Variants in NPAS3 observed in about 807,000 individuals in gnomAD.
NPAS3 encodes neuronal PAS domain-containing protein 3.
Under a neutral mutation model 73.1 loss-of-function variants are expected in NPAS3, and 14 were observed. The ratio of observed to expected loss-of-function variants is 0.19; its 90% CI spans 0.13 to 0.30. The LOEUF is 0.30. Among genes scored for constraint, NPAS3 ranks in the 10% least tolerant of loss-of-function variants. NPAS3 has a pLI of 1.00. For missense variants in NPAS3, 1,096 were observed against 1,250.0 expected (o/e 0.88, Z 1.86); for synonymous variants, 620 against 541.5 (o/e 1.14, Z -2.01).
chr14:33,394,439 C>G (rs780361341), intron 4 of NPAS3, among the ~76,000 whole-genome samples: 59 of 152,256 alleles, frequency 3.9e-4, no homozygotes, highest in Non-Finnish European at 7.6e-4. Flanking sequence ...TAGTGCTTAG[C>G]AAAGCTTAAC....
At chr14:33,167,765 T>A (rs1250396289) in intron 2 of NPAS3, among the ~76,000 whole-genome samples, 1 of 152,176 alleles carries the variant, frequency 6.6e-6, no homozygotes, top group African/African-American at 2.4e-5. Flanking sequence ...CGTTGCTAAC[T>A]GTTACATTGG....
chr14:33,630,688 C>A (rs765431530), intron 5 of NPAS3, among the ~76,000 whole-genome samples: 3 of 152,144 alleles, frequency 2.0e-5, no homozygotes, highest in Non-Finnish European at 2.9e-5. Context: ...GTCAATTAAC[C>A]TATGGAGAAT....
chr14:33,082,816 G>C (rs947631959), intron 2 of NPAS3, among the ~76,000 whole-genome samples: 7 of 152,088 alleles, frequency 4.6e-5, no homozygotes, highest in Admixed American at 1.3e-4. Flanking sequence ...TTAATGCCCG[G>C]TTGTATTTAA....
At chr14:33,267,181 T>G (rs372814436) in intron 3 of NPAS3, among the ~76,000 whole-genome samples, 1 of 152,152 alleles carries the variant, frequency 6.6e-6, no homozygotes, top group African/African-American at 2.4e-5. Flanking sequence ...TTTTAAGACT[T>G]TGGGGAAGCT....
At chr14:33,308,555 C>CAT (rs1555371850) in intron 3 of NPAS3, among the ~76,000 whole-genome samples, 1 of 90,450 alleles carries the variant, frequency 1.1e-5, no homozygotes, top group African/African-American at 5.5e-5. Context: ...CACACACACA[C>CAT]ATACATACAT....
intron 5 of NPAS3, among the ~76,000 whole-genome samples, chr14:33,621,613 A>C (rs1261895272): frequency 6.6e-6 from 1 of 152,222 alleles, no homozygotes; most frequent in Non-Finnish European, 1.5e-5. Flanking sequence ...ATGGATTTTC[A>C]TAATTATCTT....
chr14:33,544,299 C>A (rs1479355269), intron 4 of NPAS3, among the ~76,000 whole-genome samples: 2 of 152,026 alleles, frequency 1.3e-5, no homozygotes, highest in African/African-American at 4.8e-5. Flanking sequence ...TGAGCCACTG[C>A]ACCCAGCTCT....
intron 3 of NPAS3, among the ~76,000 whole-genome samples, chr14:33,327,335 A>G (rs111898124): frequency 0.051 from 7,832 of 152,290 alleles, 199 homozygotes; most frequent in Middle Eastern, 0.061. Flanking sequence ...AACACGAGGA[A>G]GTAAGAATTG....
intron 1 of NPAS3, among the ~76,000 whole-genome samples, chr14:32,973,276 T>C (rs1031348700): frequency 7.2e-5 from 11 of 152,148 alleles, no homozygotes; most frequent in Admixed American, 1.3e-4. Context: ...ATGGGGTTTT[T>C]GTCTCTTATT....
chr14:33,643,552 G>A (rs1459280479), intron 5 of NPAS3, among the ~76,000 whole-genome samples: 1 of 152,076 alleles, frequency 6.6e-6, no homozygotes, highest in East Asian at 1.9e-4. Context: ...GAGCTCCTTT[G>A]TGAGTTGGCT....
intron 3 of NPAS3, among the ~76,000 whole-genome samples, chr14:33,312,953 G>T (rs376663163): frequency 6.6e-6 from 1 of 151,902 alleles, no homozygotes; most frequent in African/African-American, 2.4e-5. Context: ...TTTAATTATG[G>T]CATCCATTTA....
intron 6 of NPAS3, among the ~76,000 whole-genome samples, chr14:33,716,010 C>A (rs2060947410): frequency 6.6e-6 from 1 of 152,166 alleles, no homozygotes; most frequent in African/African-American, 2.4e-5. Context: ...TCCATTAAAC[C>A]TCTTTTTCTT....
At chr14:32,969,554 A>G (rs1006043427) in intron 1 of NPAS3, among the ~76,000 whole-genome samples, 1 of 152,158 alleles carries the variant, frequency 6.6e-6, no homozygotes, top group Non-Finnish European at 1.5e-5. Context: ...TTGCACATGG[A>G]TAGGATTGGT....
intron 5 of NPAS3, among the ~76,000 whole-genome samples, chr14:33,656,886 AG>A (rs2059159269): frequency 6.6e-6 from 1 of 152,194 alleles, no homozygotes; most frequent in African/African-American, 2.4e-5. Context: ...CATTATCCAA[AG>A]AAAATGAAAT....
intron 6 of NPAS3, among the ~76,000 whole-genome samples, chr14:33,707,636 A>C (rs550213497): frequency 6.6e-6 from 1 of 152,344 alleles, no homozygotes; most frequent in African/African-American, 2.4e-5. Context: ...GCTTTAAAAG[A>C]GAGAATTCCT....
At chr14:32,979,974 GAAGAA>G (rs2037833709) in intron 1 of NPAS3, among the ~76,000 whole-genome samples, 1 of 151,986 alleles carries the variant, frequency 6.6e-6, no homozygotes, top group South Asian at 2.1e-4. Context: ...CTTTTGTTGC[GAAGAA>G]AAGAAATGAC....
At chr14:33,371,080 T>TG (rs1264892180) in intron 4 of NPAS3, among the ~76,000 whole-genome samples, 1 of 152,050 alleles carries the variant, frequency 6.6e-6, no homozygotes, top group Non-Finnish European at 1.5e-5. Flanking sequence ...GAGCCCACTG[T>TG]GGGGTATGTC....
chr14:33,635,987 C>T (rs945487309), intron 5 of NPAS3, among the ~76,000 whole-genome samples: 3 of 152,172 alleles, frequency 2.0e-5, no homozygotes, highest in Admixed American at 6.5e-5. Context: ...TCTTGTTGCC[C>T]AGGCTGGAGT....
At chr14:33,311,162 G>A (rs1305049788) in intron 3 of NPAS3, among the ~76,000 whole-genome samples, 1 of 152,012 alleles carries the variant, frequency 6.6e-6, no homozygotes, top group African/African-American at 2.4e-5. Flanking sequence ...CTTGCCTTTT[G>A]GGGTATTCTC....
Sources: allele counts gnomAD v4.1 joint callset (sites outside exome capture counted in the v4.1 genomes callset), GRCh38; gene constraint gnomAD v4.1.1; transcripts MANE v1.5; gene names NCBI Gene and HGNC (gene_info 2026-07-23, HGNC 2026-07-21).